The following MYO10 variants were observed in gnomAD, a reference collection of about 807,000 sequenced individuals.
The protein encoded by MYO10 is unconventional myosin-X.
A neutral mutation model predicts 257.3 loss-of-function variants in MYO10; 133 were observed. The observed-to-expected ratio is 0.52, with a 90% confidence interval of 0.45 to 0.60. MYO10 has a LOEUF of 0.60. Among genes scored for constraint, MYO10 ranks in the 20% least tolerant of loss-of-function variants. The pLI is 0.00. For missense variants in MYO10, 2,399 were observed against 2,635.7 expected (o/e 0.91, Z 1.97); for synonymous variants, 1,104 against 1,028.6 (o/e 1.07, Z -1.40).
At position 16,761,461 on chromosome 5, in the gene MYO10, T is replaced by TAC; in HGVS notation, c.1739+1_1739+2dup. On this transcript the variant is annotated splice_region_variant and intron_variant, in intron 17 of 40. Coordinates refer to ENST00000513610, the MANE Select transcript of MYO10 (RefSeq NM_012334.3). Reference sequence around the variant, plus strand: ...GTACTTCTCGGTGAGAAGACTGACATACCGGCTTTCTCTTAGCAAATTGAG... The same window carrying TAC: ...GTACTTCTCGGTGAGAAGACTGACATACACCGGCTTTCTCTTAGCAAATTGAG... The TAC allele has an allele frequency of 6.2e-7, 1 of 1,608,418 alleles. No individual in the cohort carries two copies. Among genetic ancestry groups the TAC allele is most frequent in the Non-Finnish European group, 8.5e-7 (1 of 1,175,094 alleles).
At chr5:16,709,655 A>G (rs1366811438) in intron 21 of MYO10, among the ~76,000 whole-genome samples, 1 of 152,122 alleles carries the variant, frequency 6.6e-6, no homozygotes, top group East Asian at 1.9e-4. Context: ...ACAAAGCCCC[A>G]AGATACAGGG....
rs555721200 is a variant in MYO10 at position 16,744,676 on chromosome 5, G to A, written c.1929+10152C>T. ...CGGTGGCTGGGGCTGGGGAACAGGT[G>A]GGGTAGTGGTCAATGCAGCTGTGGG... On this transcript the variant is annotated intron_variant, in intron 19 of 40. Coordinates refer to ENST00000513610, the MANE Select transcript of MYO10 (RefSeq NM_012334.3). Among the ~76,000 whole-genome samples the A allele has an allele frequency of 6.6e-5, 10 of 152,154 alleles. No individual in the cohort carries two copies. The South Asian group carries it at 1.7e-3, about 25-fold the overall frequency.
chr5:16,905,593 G>A (rs1745498869), intron 1 of MYO10, among the ~76,000 whole-genome samples: 1 of 152,132 alleles, frequency 6.6e-6, no homozygotes, highest in Non-Finnish European at 1.5e-5. Flanking sequence ...ACTGACCGAT[G>A]AGTGCTGCAA....
chr5:16,758,358 C>T, intron 17 of MYO10, 132 bp from the exon 18 acceptor site: 2 of 658,234 alleles, frequency 3.0e-6, no homozygotes, highest in Non-Finnish European at 5.3e-6. Context: ...AGAACTAAGA[C>T]AGCTTCCAAA....
intron 19 of MYO10, chr5:16,738,353 G>A (rs1739888099): frequency 1.1e-5 from 11 of 984,640 alleles, no homozygotes; most frequent in Non-Finnish European, 1.3e-5. Context: ...AACTGTGCTG[G>A]CTGGGAAGCT....
At chr5:16,716,208 A>G (rs1738864249) in intron 19 of MYO10, among the ~76,000 whole-genome samples, 1 of 152,148 alleles carries the variant, frequency 6.6e-6, no homozygotes, top group Admixed American at 6.5e-5. Context: ...TACCAAAAAT[A>G]AGTAGAAATA....
At chr5:16,680,190 C>G (rs1278073492) in intron 32 of MYO10, 86 bp from the exon 33 acceptor site, 21 of 1,457,934 alleles carry the variant, frequency 1.4e-5, no homozygotes, top group Non-Finnish European at 1.8e-5. Context: ...TGACCTCAGT[C>G]CCTTTAATTA....
intron 19 of MYO10, chr5:16,713,436 A>C: frequency 1.0e-6 from 1 of 985,786 alleles, no homozygotes; most frequent in Non-Finnish European, 1.2e-6. Flanking sequence ...AGCTAAAGAC[A>C]TGGAACAATA....
chr5:16,785,347 G>A (rs1246068725), intron 4 of MYO10, among the ~76,000 whole-genome samples: 2 of 152,188 alleles, frequency 1.3e-5, no homozygotes, highest in Non-Finnish European at 2.9e-5. Context: ...ATGACTCACA[G>A]AAACCAAGAG....
intron 21 of MYO10, among the ~76,000 whole-genome samples, chr5:16,709,355 G>A (rs1307795236): frequency 6.6e-6 from 1 of 152,170 alleles, no homozygotes; most frequent in Non-Finnish European, 1.5e-5. Flanking sequence ...ATCTTCCTGA[G>A]TGGGGGTGCA....
At chr5:16,787,628 A>C (rs904056060) in intron 4 of MYO10, among the ~76,000 whole-genome samples, 168 of 148,656 alleles carry the variant, frequency 1.1e-3, no homozygotes, top group African/African-American at 4.0e-3. Context: ...AAAAAAAAAA[A>C]AAAAAACTTT....
At chr5:16,740,492 A>G (rs1162642075) in intron 19 of MYO10, among the ~76,000 whole-genome samples, 2 of 152,158 alleles carry the variant, frequency 1.3e-5, no homozygotes, top group Non-Finnish European at 2.9e-5. Context: ...GTTCATCAGG[A>G]TAAGCCAAAG....
intron 19 of MYO10, among the ~76,000 whole-genome samples, chr5:16,714,419 GAAGGAGTCAC>G (rs1738758822): frequency 2.0e-5 from 3 of 152,182 alleles, no homozygotes; most frequent in African/African-American, 7.2e-5. Flanking sequence ...TTCAAGATAA[GAAGGAGTCAC>G]AAGGAGTCAC....
At chr5:16,824,834 A>G (rs1329521766) in intron 2 of MYO10, among the ~76,000 whole-genome samples, 1 of 152,042 alleles carries the variant, frequency 6.6e-6, no homozygotes, top group African/African-American at 2.4e-5. Context: ...ACCACTACAC[A>G]CCAGACTGGG....
rs540978946 is a variant in MYO10 at position 16,780,804 on chromosome 5, GTCTTTCA to G, written c.728-70_728-64del. On this transcript the variant is annotated intron_variant, in intron 6 of 40. Transcript: ENST00000513610. ...CAAAGCTATGTGCCATGCTCAACTA[GTCTTTCA>G]TTTTCTATTCTTTGGTGCTCAAATA... 157 of 1,467,600 alleles carry G rather than the reference GTCTTTCA, an allele frequency of 1.1e-4. 2 individuals are homozygous for G. In the East Asian group the frequency reaches 3.7e-3, roughly 35 times the overall value. The allele number at this position is 1,467,600 out of a possible 1,614,324, so 90.9% of individuals were successfully genotyped here.
intron 19 of MYO10, among the ~76,000 whole-genome samples, chr5:16,719,202 G>A (rs958175535): frequency 2.0e-5 from 3 of 152,056 alleles, no homozygotes; most frequent in Non-Finnish European, 4.4e-5. Flanking sequence ...AAGAAACTCC[G>A]AACACATCTG....
intron 19 of MYO10, among the ~76,000 whole-genome samples, chr5:16,734,687 C>G (rs1739719802): frequency 6.6e-6 from 1 of 152,024 alleles, no homozygotes; most frequent in African/African-American, 2.4e-5. Flanking sequence ...CACCTGTAAT[C>G]CCAGCTACTT....
chr5:16,767,167 C>CTT (rs35242676), intron 10 of MYO10, among the ~76,000 whole-genome samples: 32 of 105,302 alleles, frequency 3.0e-4, no homozygotes, highest in African/African-American at 5.0e-4. Flanking sequence ...ACCCAACTGT[C>CTT]TTTTTTTTTT....
chr5:16,666,749 G>A lies in MYO10; in HGVS notation c.6120C>T (p.Ile2040=), dbSNP rs969491126. 9.9e-6 allele frequency: 16 copies of A among 1,608,166 alleles called. No individual in the cohort carries two copies. The highest frequency in any genetic ancestry group is 2.2e-5 in the East Asian group (1 of 44,794). Residue 2040 remains isoleucine, a synonymous_variant, in exon 41 of 41, where the codon ATC becomes ATT. Transcript: ENST00000513610. ...AKLMKAYISM[I]VKKRYSTTRS... ...GTGTCGTGCTGTAGCGCTTCTTCAC[G>A]ATCATGCTGATGTAGGCTTTCATGA...
Sources: allele counts gnomAD v4.1 joint callset (sites outside exome capture counted in the v4.1 genomes callset), GRCh38; gene constraint gnomAD v4.1.1; transcripts MANE v1.5; gene names NCBI Gene and HGNC (gene_info 2026-07-23, HGNC 2026-07-21).